The following CDH4 variants were observed in gnomAD, a reference collection of about 807,000 sequenced individuals.
CDH4 encodes the protein cadherin 4.
A neutral mutation model predicts 86.0 loss-of-function variants in CDH4; 33 were observed. That is an observed-to-expected ratio of 0.38 (90% CI 0.29 to 0.51). CDH4 has a LOEUF of 0.51. Among genes scored for constraint, CDH4 ranks in the 20% least tolerant of loss-of-function variants. CDH4 has a pLI of 0.86. For missense variants in CDH4, 1,114 were observed against 1,307.4 expected, an observed-to-expected ratio of 0.85 and a Z score of 2.28; for synonymous variants, 555 against 549.4, an observed-to-expected ratio of 1.01 and a Z score of -0.14.
chr20:61,533,445 C>G (rs2085971157), intron 2 of CDH4, among the ~76,000 whole-genome samples: 1 of 152,226 alleles, frequency 6.6e-6, no homozygotes, highest in Admixed American at 6.5e-5. Flanking sequence ...CTGTGCTCGT[C>G]TCTCCATCCC....
intron 2 of CDH4, among the ~76,000 whole-genome samples, chr20:61,566,790 G>A (rs529816611): frequency 1.6e-4 from 25 of 152,290 alleles, no homozygotes; most frequent in African/African-American, 5.8e-4. Flanking sequence ...AAGGGTCACC[G>A]AGACACTCAA....
intron 2 of CDH4, among the ~76,000 whole-genome samples, chr20:61,622,249 A>G (rs1459379028): frequency 1.3e-5 from 2 of 152,182 alleles, no homozygotes; most frequent in Non-Finnish European, 2.9e-5. Flanking sequence ...GTGTTTATGG[A>G]GTAATGTGCT....
chr20:61,732,632 G>T (rs982183330), intron 2 of CDH4, among the ~76,000 whole-genome samples: 28 of 152,162 alleles, frequency 1.8e-4, no homozygotes, highest in Admixed American at 1.8e-3. Context: ...CCCTCCAGTG[G>T]CTCCATAACA....
chr20:61,491,635 G>T (rs1417693707), intron 2 of CDH4, among the ~76,000 whole-genome samples: 5 of 152,176 alleles, frequency 3.3e-5, no homozygotes, highest in African/African-American at 1.2e-4. Flanking sequence ...TGTTGTTTTG[G>T]CCCCATGTAC....
chr20:61,748,677 G>C (rs1390870929), intron 3 of CDH4, among the ~76,000 whole-genome samples: 1 of 152,170 alleles, frequency 6.6e-6, no homozygotes, highest in Non-Finnish European at 1.5e-5. Context: ...TAAACTTTGA[G>C]AAGGGATAAA....
At chr20:61,354,506 C>T (rs1030328236) in intron 2 of CDH4, among the ~76,000 whole-genome samples, 9 of 152,314 alleles carry the variant, frequency 5.9e-5, no homozygotes, top group African/African-American at 9.6e-5. Context: ...CTGCTGTTGC[C>T]GTTGCTGTTG....
At chr20:61,499,646 T>C (rs1251055554) in intron 2 of CDH4, among the ~76,000 whole-genome samples, 3 of 152,014 alleles carry the variant, frequency 2.0e-5, no homozygotes, top group Non-Finnish European at 4.4e-5. Context: ...ACAGGACAGA[T>C]CCCAGCCCAC....
intron 2 of CDH4, among the ~76,000 whole-genome samples, chr20:61,355,559 G>A (rs774012494): frequency 1.6e-4 from 25 of 152,206 alleles, no homozygotes; most frequent in East Asian, 3.8e-4. Context: ...GCCAAGGGAC[G>A]GTTATCTCAT....
chr20:61,668,905 G>T (rs1600857538), intron 2 of CDH4, among the ~76,000 whole-genome samples: 1 of 152,316 alleles, frequency 6.6e-6, no homozygotes, highest in African/African-American at 2.4e-5. Context: ...ACCAGCACCC[G>T]CCTGTTCTCA....
intron 2 of CDH4, among the ~76,000 whole-genome samples, chr20:61,262,472 G>A (rs1298949471): frequency 1.3e-5 from 2 of 152,208 alleles, no homozygotes; most frequent in Non-Finnish European, 2.9e-5. Flanking sequence ...CCTGGGCGCA[G>A]GGTCACTTCC....
chr20:61,664,123 G>A (rs1206898758), intron 2 of CDH4, among the ~76,000 whole-genome samples: 6 of 152,252 alleles, frequency 3.9e-5, no homozygotes, highest in East Asian at 3.9e-4. Flanking sequence ...ACCCTGCACC[G>A]TGGGCCATCC....
Position 61,341,744 on chromosome 20 carries a change from C to T in CDH4, c.169+86807C>T, listed in dbSNP as rs1452951676. The stretch of plus-strand genomic sequence containing the variant: ...GTGATTGGCAGAAGGTCTCATGAGC[C>T]CATCTGTTTGTTGCATTTTTATGAC... On this transcript the variant is annotated intron_variant, in intron 2 of 15. Transcript: ENST00000614565. Among the ~76,000 whole-genome samples, 5 of 151,994 alleles carry T rather than the reference C, an allele frequency of 3.3e-5. No individual in the cohort carries two copies. The East Asian group carries it at 9.7e-4, about 29-fold the overall frequency.
chr20:61,718,803 G>C (rs1473910438), intron 2 of CDH4: 5 of 471,232 alleles, frequency 1.1e-5, no homozygotes, highest in Admixed American at 2.3e-5. Context: ...TGCGGAGGAG[G>C]CTGCACCCAC....
intron 2 of CDH4, among the ~76,000 whole-genome samples, chr20:61,307,670 G>A (rs2084424563): frequency 6.6e-6 from 1 of 152,216 alleles, no homozygotes; most frequent in Admixed American, 6.5e-5. Flanking sequence ...GCTGGATATT[G>A]GGGAAACTAC....
chr20:61,584,534 C>G (rs1274778763), intron 2 of CDH4, among the ~76,000 whole-genome samples: 1 of 152,220 alleles, frequency 6.6e-6, no homozygotes, highest in Admixed American at 6.5e-5. Flanking sequence ...GAGCCCCTGT[C>G]ACATCCGCTG....
At chr20:61,410,034 AGC>A (rs2085108389) in intron 2 of CDH4, among the ~76,000 whole-genome samples, 1 of 152,236 alleles carries the variant, frequency 6.6e-6, no homozygotes, top group Admixed American at 6.5e-5. Flanking sequence ...CTCAGTGCAG[AGC>A]GGGGATCTGA....
At chr20:61,301,942 T>C (rs768187006) in intron 2 of CDH4, among the ~76,000 whole-genome samples, 12 of 152,248 alleles carry the variant, frequency 7.9e-5, no homozygotes, top group Non-Finnish European at 4.4e-5. Flanking sequence ...GGAAATTACA[T>C]GCGCTTTTAC....
intron 2 of CDH4, among the ~76,000 whole-genome samples, chr20:61,729,313 A>G (rs1416126716): frequency 6.6e-6 from 1 of 152,198 alleles, no homozygotes; most frequent in African/African-American, 2.4e-5. Flanking sequence ...AGGACTGGCT[A>G]ATGAGGCGCT....
In CDH4 at chr20:61,510,642, G is replaced by A. The variant is rs952038475; in HGVS notation, c.170-232921G>A. ...GACGACCCATAGTGGGATTACTTGG[G>A]GGATTGCGTTGCTGGGGAATTACTT... On this transcript the variant is annotated intron_variant, in intron 2 of 15. Transcript: ENST00000614565. This position sits in a 1 kb window ranked among gnomAD's most constrained non-coding sequence, Gnocchi z 4.2. 6.6e-6 allele frequency among the ~76,000 whole-genome samples: 1 copy of A among 152,156 alleles called. No individual in the cohort carries two copies.
Sources: gnomAD v4.1 joint callset for allele counts (sites outside exome capture counted in the v4.1 genomes callset) on GRCh38, gnomAD v4.1.1 for gene constraint, Gnocchi (gnomAD v3.1) non-coding constraint, MANE v1.5 for transcripts, NCBI Gene and HGNC (gene_info 2026-07-23, HGNC 2026-07-21) for gene names.